MELK: variants seen among roughly 807,000 people sequenced by gnomAD.
MELK encodes pEg3 kinase.
MELK carries 81 observed loss-of-function variants against 85.0 expected under a neutral mutation model. That is an observed-to-expected ratio of 0.95 (90% confidence interval 0.80 to 1.15). The LOEUF is 1.15. Ranked by LOEUF, MELK falls within the 50% of genes most tolerant of loss-of-function variation. The probability of loss-of-function intolerance (pLI) is 0.00; values close to 1 mark genes in which losing one functional copy is unlikely to be tolerated. For missense variants in MELK, 754 were observed against 777.5 expected (o/e 0.97, Z 0.36); for synonymous variants, 252 against 265.0 (o/e 0.95, Z 0.48).
intron 7 of MELK, chr9:36,606,731 G>A (rs1368368177): frequency 6.8e-6 from 1 of 147,168 alleles, no homozygotes; most frequent in Non-Finnish European, 1.5e-5. Flanking sequence ...GCATATATAT[G>A]TACATATATA....
intron 7 of MELK, among the ~76,000 whole-genome samples, chr9:36,602,233 C>T (rs1825002211): frequency 1.3e-5 from 2 of 152,118 alleles, no homozygotes; most frequent in Non-Finnish European, 2.9e-5. Context: ...TGGCTCATGC[C>T]TGTAATCCCA....
chr9:36,615,257 C>CA (rs1271683614), intron 8 of MELK, among the ~76,000 whole-genome samples: 1 of 130,840 alleles, frequency 7.6e-6, no homozygotes, highest in Non-Finnish European at 1.6e-5. Context: ...CTGACCCCCC[C>CA]ACCTCCCTCC....
chr9:36,654,919 A>G (rs1370170129), intron 12 of MELK, among the ~76,000 whole-genome samples: 2 of 152,206 alleles, frequency 1.3e-5, no homozygotes, highest in Admixed American at 6.5e-5. Flanking sequence ...GACACGAAGC[A>G]AGTCACATAG....
intron 10 of MELK, among the ~76,000 whole-genome samples, chr9:36,637,264 G>A (rs1318072123): frequency 6.6e-6 from 1 of 152,186 alleles, no homozygotes; most frequent in Non-Finnish European, 1.5e-5. Flanking sequence ...GAGCCACTAT[G>A]GAAGGTGTAT....
At chr9:36,662,407 C>A (rs993459985) in intron 13 of MELK, among the ~76,000 whole-genome samples, 1 of 152,002 alleles carries the variant, frequency 6.6e-6, no homozygotes, top group Non-Finnish European at 1.5e-5. Flanking sequence ...CCATGTCTGG[C>A]TAATTTTTGT....
intron 7 of MELK, among the ~76,000 whole-genome samples, chr9:36,607,252 T>C (rs1825647610): frequency 6.6e-6 from 1 of 152,138 alleles, no homozygotes; most frequent in Non-Finnish European, 1.5e-5. Flanking sequence ...CACTGTAGAA[T>C]TGTCTCATCT....
intron 1 of MELK, among the ~76,000 whole-genome samples, chr9:36,574,683 T>G: frequency 6.6e-6 from 1 of 152,192 alleles, no homozygotes; most frequent in Non-Finnish European, 1.5e-5. Context: ...TCAGTGTCTT[T>G]CCAAGCTCTG....
intron 13 of MELK, among the ~76,000 whole-genome samples, chr9:36,658,467 A>G (rs1831471149): frequency 6.6e-6 from 1 of 152,134 alleles, no homozygotes; most frequent in Admixed American, 6.6e-5. Flanking sequence ...CTTGAACTCC[A>G]GAATTTGTTT....
chr9:36,581,250 G>A (rs1164317091), intron 1 of MELK, among the ~76,000 whole-genome samples: 1 of 151,880 alleles, frequency 6.6e-6, no homozygotes, highest in Non-Finnish European at 1.5e-5. Context: ...GCCCAGGCTG[G>A]CCTCGAACTC....
chr9:36,576,252 G>A (rs1291372361), intron 1 of MELK, among the ~76,000 whole-genome samples: 1 of 152,070 alleles, frequency 6.6e-6, no homozygotes, highest in Non-Finnish European at 1.5e-5. Context: ...ACCTGACCTT[G>A]CTTCTTCTAA....
intron 8 of MELK, among the ~76,000 whole-genome samples, chr9:36,627,701 A>G (rs2136381864): frequency 6.6e-6 from 1 of 150,446 alleles, no homozygotes. Flanking sequence ...CTAATTTTGT[A>G]TTTTTAGTAG....
At chr9:36,627,381 G>A (rs1828043553) in intron 8 of MELK, among the ~76,000 whole-genome samples, 1 of 152,176 alleles carries the variant, frequency 6.6e-6, no homozygotes, top group African/African-American at 2.4e-5. Context: ...CCTCTCTGAT[G>A]AGAGTAGATG....
At chr9:36,649,803 C>T (rs1354562962) in intron 11 of MELK, among the ~76,000 whole-genome samples, 1 of 151,934 alleles carries the variant, frequency 6.6e-6, no homozygotes, top group African/African-American at 2.4e-5. Context: ...AGAAATATTC[C>T]AGGCCGGGCA....
chr9:36,627,780 G>A (rs1355527206), intron 8 of MELK, among the ~76,000 whole-genome samples: 1 of 151,944 alleles, frequency 6.6e-6, no homozygotes, highest in African/African-American at 2.4e-5. Flanking sequence ...GCCCATCTCA[G>A]CCTCCCAAAG....
chr9:36,669,953 TGAG>T (rs1400248614), intron 15 of MELK, among the ~76,000 whole-genome samples: 2 of 152,180 alleles, frequency 1.3e-5, no homozygotes, highest in African/African-American at 4.8e-5. Flanking sequence ...ATGAAGAAAC[TGAG>T]GAGATCAGGA....
chr9:36,603,868 A>G (rs934286153), intron 7 of MELK, among the ~76,000 whole-genome samples: 2 of 152,132 alleles, frequency 1.3e-5, no homozygotes, highest in African/African-American at 4.8e-5. Context: ...CTTTTTTCTA[A>G]TAAGTGTTGG....
In MELK at chr9:36,599,465, C is replaced by A; in HGVS notation, c.546C>A (p.Gly182=). Residue 182 remains glycine, a synonymous_variant, in exon 7 of 18, where the codon GGC becomes GGA. Transcript: ENST00000298048. ...LAYAAPELIQ[G]KSYLGSEADV... ...ATGCAGCACCTGAGTTAATACAAGG[C>A]AAATCATATCTTGGATCAGAGGTAA... The A allele has an allele frequency of 1.2e-6, 2 of 1,611,108 alleles. No homozygotes were observed. The highest frequency in any genetic ancestry group is 1.7e-6 in the Non-Finnish European group (2 of 1,177,436).
chr9:36,628,345 G>A (rs1828139614), intron 8 of MELK, among the ~76,000 whole-genome samples: 1 of 152,174 alleles, frequency 6.6e-6, no homozygotes, highest in African/African-American at 2.4e-5. Context: ...CAGCTCTCTG[G>A]GAGTCAGCAG....
chr9:36,610,834 G>C (rs571954863), intron 8 of MELK, among the ~76,000 whole-genome samples: 91 of 152,250 alleles, frequency 6.0e-4, no homozygotes, highest in Middle Eastern at 3.4e-3. Context: ...CAAAATATTA[G>C]GTTGGCCTCT....
Sources: allele counts gnomAD v4.1 joint callset (sites outside exome capture counted in the v4.1 genomes callset), GRCh38; gene constraint gnomAD v4.1.1; transcripts MANE v1.5; gene names NCBI Gene and HGNC (gene_info 2026-07-23, HGNC 2026-07-21).